The following PCMTD1 variants were observed in gnomAD, a reference collection of about 807,000 sequenced individuals.
PCMTD1 encodes the protein protein-L-isoaspartate O-methyltransferase domain-containing protein 1.
Under a neutral mutation model 37.6 loss-of-function variants are expected in PCMTD1, and 12 were observed. The ratio of observed to expected loss-of-function variants is 0.32; its 90% CI spans 0.20 to 0.52. The LOEUF (loss-of-function observed/expected upper bound fraction) is 0.52. Ranked by LOEUF, PCMTD1 falls within the 20% of genes least tolerant of loss-of-function variation. The pLI, the probability that PCMTD1 is intolerant of heterozygous loss-of-function variation, is 0.97. For missense variants in PCMTD1, 235 were observed against 421.3 expected (o/e 0.56, Z 3.87); for synonymous variants, 117 against 135.8 (o/e 0.86, Z 0.96).
intron 1 of PCMTD1, among the ~76,000 whole-genome samples, chr8:51,889,212 T>C (rs1416489007): frequency 1.3e-5 from 2 of 152,218 alleles, no homozygotes; most frequent in African/African-American, 4.8e-5. Context: ...GTTAGGTCCG[T>C]CACTTTCTAT....
chr8:51,818,997 T>C lies in PCMTD1; in HGVS notation c.*1354A>G, dbSNP rs879245069. Reference sequence around the variant, plus strand: ...ATAATCCATGTAACTCTAGCAAATATGTTACATTGTACACTTTCTTAACAA... The same window carrying C: ...ATAATCCATGTAACTCTAGCAAATACGTTACATTGTACACTTTCTTAACAA... On this transcript the variant is annotated 3_prime_UTR_variant, in exon 6 of 6. Coordinates refer to ENST00000522514, the MANE Select transcript of PCMTD1 (RefSeq NM_052937.4). 1 of 128,840 alleles carries C rather than the reference T, an allele frequency of 7.8e-6. No individual in the cohort carries two copies. Among genetic ancestry groups the C allele is most frequent in the East Asian group, 1.9e-4 (1 of 5,140 alleles). 8.0% of individuals were successfully genotyped at this position (128,840 alleles called of 1,614,324 possible).
intron 1 of PCMTD1, among the ~76,000 whole-genome samples, chr8:51,864,838 T>A (rs540320295): frequency 6.6e-6 from 1 of 151,588 alleles, no homozygotes; most frequent in Middle Eastern, 3.4e-3. Context: ...AAGAATGAGA[T>A]AAGATTCAGA....
chr8:51,855,966 C>T (rs1317649718), intron 2 of PCMTD1, among the ~76,000 whole-genome samples: 7 of 152,002 alleles, frequency 4.6e-5, no homozygotes, highest in Admixed American at 3.9e-4. Flanking sequence ...CGCGCCTGGC[C>T]CAGAATGTGT....
At chr8:51,825,193 T>C (rs1055583964) in intron 5 of PCMTD1, among the ~76,000 whole-genome samples, 1 of 152,098 alleles carries the variant, frequency 6.6e-6, no homozygotes, top group Non-Finnish European at 1.5e-5. Context: ...AATTGACAAA[T>C]TGTATCTAAT....
intron 1 of PCMTD1, among the ~76,000 whole-genome samples, chr8:51,875,962 C>G (rs13280156): frequency 0.025 from 2,189 of 86,720 alleles, 28 homozygotes; most frequent in African/African-American, 0.03. Flanking sequence ...GTGTGTGTGT[C>G]TGTGTGTGTG....
rs1465866610 is a variant in PCMTD1 at position 51,836,617 on chromosome 8, T to C, written c.411-2928A>G. On this transcript the variant is annotated intron_variant, in intron 3 of 5. Coordinates refer to ENST00000522514, the MANE Select transcript of PCMTD1 (RefSeq NM_052937.4). ...AGAAACATAAATGTTTTAACTTTTC[T>C]ACCTACCAACGCTGAATATGAACCC... Among the ~76,000 whole-genome samples, 4 of 152,232 alleles carry C rather than the reference T, an allele frequency of 2.6e-5. No homozygotes were observed. The East Asian group carries it at 7.7e-4, about 29-fold the overall frequency.
rs2038238378 is a variant in PCMTD1 at position 51,847,444 on chromosome 8, T to C, written c.308-1681A>G. Among the ~76,000 whole-genome samples the C allele has an allele frequency of 3.3e-5, 5 of 152,012 alleles. No homozygotes were observed. The South Asian group carries it at 1.0e-3, about 31-fold the overall frequency. On this transcript the variant is annotated intron_variant, in intron 2 of 5. Transcript: ENST00000522514. ...GAGTTCGAGACCATCCTGGCCAACA[T>C]GGCAAAACCCTGTCTCTACTAAAAA...
intron 1 of PCMTD1, among the ~76,000 whole-genome samples, chr8:51,863,306 T>C (rs182302702): frequency 7.2e-4 from 109 of 152,342 alleles, no homozygotes; most frequent in African/African-American, 2.0e-3. Context: ...TGACCCTCCT[T>C]AGGTCCTTCT....
At chr8:51,889,313 T>C (rs1444152912) in intron 1 of PCMTD1, among the ~76,000 whole-genome samples, 3 of 152,238 alleles carry the variant, frequency 2.0e-5, no homozygotes, top group Non-Finnish European at 2.9e-5. Flanking sequence ...AATGCAACTA[T>C]CATTAATTGA....
At chr8:51,826,217 A>C (rs2037919195) in intron 5 of PCMTD1, among the ~76,000 whole-genome samples, 1 of 152,174 alleles carries the variant, frequency 6.6e-6, no homozygotes, top group Non-Finnish European at 1.5e-5. Flanking sequence ...CCTTTGCAGG[A>C]ACATGGATGA....
chr8:51,874,506 T>A (rs538282473), intron 1 of PCMTD1, among the ~76,000 whole-genome samples: 2 of 152,346 alleles, frequency 1.3e-5, no homozygotes, highest in African/African-American at 4.8e-5. Context: ...TTCAATAAAC[T>A]GTTTAAAAAT....
intron 1 of PCMTD1, among the ~76,000 whole-genome samples, chr8:51,873,402 T>C (rs758856333): frequency 1.3e-5 from 2 of 152,216 alleles, no homozygotes; most frequent in African/African-American, 2.4e-5. Flanking sequence ...TATAGTTTAA[T>C]TTCATTTACT....
chr8:51,871,488 T>C (rs1337296053), intron 1 of PCMTD1, among the ~76,000 whole-genome samples: 1 of 152,186 alleles, frequency 6.6e-6, no homozygotes, highest in African/African-American at 2.4e-5. Flanking sequence ...ACCAAAACTC[T>C]TTGGTTTAAT....
At chr8:51,838,934 A>C (rs999566076) in intron 3 of PCMTD1, among the ~76,000 whole-genome samples, 2 of 152,206 alleles carry the variant, frequency 1.3e-5, no homozygotes, top group Non-Finnish European at 2.9e-5. Flanking sequence ...GAAGGAAAAA[A>C]ATGGCAAAAA....
chr8:51,869,507 A>G (rs2038608813), intron 1 of PCMTD1, among the ~76,000 whole-genome samples: 1 of 152,036 alleles, frequency 6.6e-6, no homozygotes. Context: ...CTATAATTCA[A>G]TATAATCAAG....
At chr8:51,863,642 C>A (rs1381181061) in intron 1 of PCMTD1, among the ~76,000 whole-genome samples, 1 of 152,146 alleles carries the variant, frequency 6.6e-6, no homozygotes, top group Non-Finnish European at 1.5e-5. Context: ...CAAAGATTAG[C>A]CAGATGCGGT....
At chr8:51,834,556 CACTTTT>C (rs2038041023) in intron 3 of PCMTD1, among the ~76,000 whole-genome samples, 2 of 152,240 alleles carry the variant, frequency 1.3e-5, no homozygotes, top group Non-Finnish European at 1.5e-5. Context: ...CGTATCCTTT[CACTTTT>C]AAGTTGAATA....
chr8:51,834,178 T>C (rs573013752), intron 3 of PCMTD1, among the ~76,000 whole-genome samples: 1 of 152,318 alleles, frequency 6.6e-6, no homozygotes, highest in Admixed American at 6.5e-5. Context: ...CAAAAAAAGA[T>C]ACGAGTGTCC....
intron 1 of PCMTD1, among the ~76,000 whole-genome samples, chr8:51,888,890 C>T (rs1200911157): frequency 1.3e-5 from 2 of 152,176 alleles, no homozygotes; most frequent in African/African-American, 4.8e-5. Context: ...ATGTCACGAG[C>T]ACCTCAGAGA....
Sources: gnomAD v4.1 joint callset for allele counts (sites outside exome capture counted in the v4.1 genomes callset) on GRCh38, gnomAD v4.1.1 for gene constraint, MANE v1.5 for transcripts, NCBI Gene and HGNC (gene_info 2026-07-23, HGNC 2026-07-21) for gene names.